The following RGS12 variants were observed in gnomAD, a reference collection of about 807,000 sequenced individuals.
RGS12 encodes regulator of G-protein signaling 12.
In RGS12, 66 loss-of-function variants were observed where a neutral mutation model predicts 120.1. That is an observed-to-expected ratio of 0.55 (90% CI 0.45 to 0.67). The LOEUF (loss-of-function observed/expected upper bound fraction) is 0.67. Among genes scored for constraint, RGS12 ranks in the 30% least tolerant of loss-of-function variants. The probability of loss-of-function intolerance (pLI) is 0.00; values close to 1 mark genes in which losing one functional copy is unlikely to be tolerated. For synonymous variants in RGS12, 827 were observed against 804.7 expected, an observed-to-expected ratio of 1.03 and a Z score of -0.47; for missense variants, 1,859 against 1,957.7, an observed-to-expected ratio of 0.95 and a Z score of 0.95.
At chr4:3,337,736 C>T (rs1180213486) in intron 2 of RGS12, among the ~76,000 whole-genome samples, 1 of 152,132 alleles carries the variant, frequency 6.6e-6, no homozygotes, top group East Asian at 1.9e-4. Context: ...GAGCTTCGTT[C>T]TGGGAAGATG....
At chr4:3,423,115 GA>G in intron 12 of RGS12, 137 bp downstream of exon 12, 1 of 453,790 alleles carries the variant, frequency 2.2e-6, no homozygotes, top group Non-Finnish European at 4.2e-6. Flanking sequence ...GGGGCGGGGG[GA>G]GGGTGGAGGC....
At chr4:3,325,078 A>G (rs1173307096) in intron 2 of RGS12, among the ~76,000 whole-genome samples, 2 of 152,178 alleles carry the variant, frequency 1.3e-5, no homozygotes, top group Non-Finnish European at 2.9e-5. Flanking sequence ...AAAGGGGAAA[A>G]ATTGAAAATG....
chr4:3,300,655 C>T (rs1035270682), intron 1 of RGS12, among the ~76,000 whole-genome samples: 1 of 152,188 alleles, frequency 6.6e-6, no homozygotes, highest in Admixed American at 6.5e-5. Context: ...ACCCTTCCTG[C>T]CTCTCCCAGC....
rs149366995 is a variant in RGS12 at position 3,389,561 on chromosome 4, G to T, written c.2020+3124G>T. Among the ~76,000 whole-genome samples the T allele has an allele frequency of 4.6e-5, 7 of 152,144 alleles. No homozygotes were observed. The highest frequency in any genetic ancestry group is 1.7e-4 in the African/African-American group (7 of 41,420). ...TGGAGCCGCGGCCGCACAGAAGCCC[G>T]TTCTTGTGGCTTCCTCCGTTGGTCA... On this transcript the variant is annotated intron_variant, in intron 4 of 17. Coordinates refer to ENST00000336727, the MANE Select transcript of RGS12 (RefSeq NM_001394154.1). This position sits in a 1 kb window ranked among gnomAD's most constrained non-coding sequence, Gnocchi z 5.2.
chr4:3,322,304 C>T (rs535365872), intron 2 of RGS12, among the ~76,000 whole-genome samples: 1 of 152,272 alleles, frequency 6.6e-6, no homozygotes, highest in South Asian at 2.1e-4. Context: ...CTTGTAGACT[C>T]GCTGAGGGTC....
intron 4 of RGS12, chr4:3,413,421 T>G (rs1311091313): frequency 6.6e-6 from 1 of 152,286 alleles, no homozygotes; most frequent in Non-Finnish European, 1.5e-5. Flanking sequence ...CATGCGTGGC[T>G]GAGGGCTTAG....
intron 4 of RGS12, among the ~76,000 whole-genome samples, chr4:3,398,761 A>G (rs1720293230): frequency 1.3e-5 from 2 of 152,206 alleles, no homozygotes; most frequent in Admixed American, 6.5e-5. Flanking sequence ...GTAAGATTAC[A>G]AAGTATGTGA....
intron 3 of RGS12, among the ~76,000 whole-genome samples, chr4:3,383,466 G>A (rs749531470): frequency 6.6e-6 from 1 of 152,048 alleles, no homozygotes; most frequent in Non-Finnish European, 1.5e-5. Flanking sequence ...AAGTAGCTGA[G>A]CATGTTGGTG....
intron 4 of RGS12, among the ~76,000 whole-genome samples, chr4:3,409,981 G>A (rs1218087425): frequency 6.6e-6 from 1 of 152,212 alleles, no homozygotes; most frequent in African/African-American, 2.4e-5. Context: ...TCCCTGCTCT[G>A]CCCAGCTCAG....
intron 15 of RGS12, 24 bp from the exon 16 acceptor site, chr4:3,428,534 A>T (rs755465850): frequency 6.4e-6 from 10 of 1,560,588 alleles, no homozygotes; most frequent in Non-Finnish European, 7.8e-6. Context: ...TGAAAGTAGA[A>T]CTTTGACTTT....
At chr4:3,321,502 G>A (rs1725187288) in intron 2 of RGS12, among the ~76,000 whole-genome samples, 1 of 152,228 alleles carries the variant, frequency 6.6e-6, no homozygotes. Flanking sequence ...GGGCACGGCA[G>A]GGTGGGTTTG....
intron 16 of RGS12, among the ~76,000 whole-genome samples, chr4:3,429,739 G>A (rs1044372480): frequency 1.3e-5 from 2 of 152,224 alleles, no homozygotes; most frequent in African/African-American, 2.4e-5. Flanking sequence ...CTGGGCAGTG[G>A]GAGGCCCAGG....
intron 3 of RGS12, chr4:3,378,522 G>A (rs559287829): frequency 6.6e-6 from 1 of 152,332 alleles, no homozygotes; most frequent in South Asian, 2.1e-4. Context: ...TATCCAGTAA[G>A]GGGTTAATAT....
At chr4:3,380,324 A>G (rs1214057053) in intron 3 of RGS12, among the ~76,000 whole-genome samples, 2 of 152,148 alleles carry the variant, frequency 1.3e-5, no homozygotes, top group African/African-American at 4.8e-5. Flanking sequence ...AGCTGCTTTC[A>G]CGGGTTGGCA....
At chr4:3,395,022 C>A (rs11735568) in intron 4 of RGS12, among the ~76,000 whole-genome samples, 13,145 of 120,662 alleles carry the variant, frequency 0.11, 850 homozygotes, top group South Asian at 0.3. Context: ...TACAAAAAAA[C>A]AAAACAAAAC....
chr4:3,422,775 C>A (rs966419047), intron 11 of RGS12, 130 bp from the exon 12 acceptor site: 1 of 1,004,360 alleles, frequency 1.0e-6, no homozygotes, highest in Non-Finnish European at 1.5e-6. Flanking sequence ...AAAGGGTGAT[C>A]GCTTTCTTTG....
At chr4:3,331,084 G>A (rs1560091237) in intron 2 of RGS12, among the ~76,000 whole-genome samples, 1 of 152,200 alleles carries the variant, frequency 6.6e-6, no homozygotes, top group Non-Finnish European at 1.5e-5. Context: ...AGCCTGTCAC[G>A]CAAAGCGGAT....
At chr4:3,396,439 A>G (rs980568019) in intron 4 of RGS12, among the ~76,000 whole-genome samples, 7 of 152,162 alleles carry the variant, frequency 4.6e-5, no homozygotes, top group African/African-American at 7.2e-5. Context: ...TTCATCTGGA[A>G]TTGGTATTTT....
At chr4:3,406,543 G>A (rs1290867781) in intron 4 of RGS12, among the ~76,000 whole-genome samples, 1 of 152,222 alleles carries the variant, frequency 6.6e-6, no homozygotes, top group Admixed American at 6.5e-5. Context: ...CAGTGGGATG[G>A]CCATGCCCAT....
Sources: gnomAD v4.1 joint callset for allele counts (sites outside exome capture counted in the v4.1 genomes callset) on GRCh38, gnomAD v4.1.1 for gene constraint, Gnocchi (gnomAD v3.1) non-coding constraint, MANE v1.5 for transcripts, NCBI Gene and HGNC (gene_info 2026-07-23, HGNC 2026-07-21) for gene names.